MAP4K1: variants seen among roughly 807,000 people sequenced by gnomAD.
MAP4K1 encodes the protein MAPK/ERK kinase kinase kinase 1.
A neutral mutation model predicts 122.8 loss-of-function variants in MAP4K1; 35 were observed. The ratio of observed to expected loss-of-function variants is 0.29; its 90% confidence interval spans 0.22 to 0.38. The LOEUF (loss-of-function observed/expected upper bound fraction) is 0.38, where lower values mean the gene tolerates loss of function less well. Among genes scored for constraint, MAP4K1 ranks in the 10% least tolerant of loss-of-function variants. The probability of loss-of-function intolerance (pLI) is 1.00; values close to 1 mark genes in which losing one functional copy is unlikely to be tolerated. For missense variants in MAP4K1, 791 were observed against 1,072.6 expected, an observed-to-expected ratio of 0.74 and a Z score of 3.67; for synonymous variants, 412 against 421.3, an observed-to-expected ratio of 0.98 and a Z score of 0.27.
chr19:38,603,710 G>A (rs183332125), intron 19 of MAP4K1, among the ~76,000 whole-genome samples: 94 of 152,154 alleles, frequency 6.2e-4, no homozygotes, highest in Admixed American at 1.5e-3. Context: ...TGGGCCGGGC[G>A]CGGTGGCTCA....
chr19:38,605,834 G>A, intron 17 of MAP4K1, 104 bp from the exon 18 acceptor site: 3 of 1,142,714 alleles, frequency 2.6e-6, no homozygotes, highest in African/African-American at 1.6e-5. Context: ...AACAGCTGTG[G>A]CTCTGACCCA....
At chr19:38,602,827 TATATACGC>T (rs1975142905) in intron 19 of MAP4K1, among the ~76,000 whole-genome samples, 1 of 149,082 alleles carries the variant, frequency 6.7e-6, no homozygotes, top group Non-Finnish European at 1.5e-5. Context: ...CACATGTACA[TATATACGC>T]ATATACATAT....
intron 30 of MAP4K1, among the ~76,000 whole-genome samples, chr19:38,592,700 C>G (rs993939146): frequency 1.3e-5 from 2 of 151,332 alleles, no homozygotes; most frequent in Non-Finnish European, 2.9e-5. Flanking sequence ...GGTGGATCAC[C>G]GAGGTCAGGA....
intron 22 of MAP4K1, among the ~76,000 whole-genome samples, chr19:38,599,347 CAAAAAAAAAAA>C (rs35011527): frequency 2.5e-5 from 1 of 39,476 alleles, no homozygotes; most frequent in Non-Finnish European, 5.6e-5. Context: ...GACTCGGTCT[CAAAAAAAAAAA>C]AAAAAAAAAA....
chr19:38,596,043 C>G (rs749454187), intron 26 of MAP4K1, 42 bp from the exon 27 acceptor site: 1 of 1,570,602 alleles, frequency 6.4e-7, no homozygotes, highest in Non-Finnish European at 8.8e-7. Flanking sequence ...CCACCCCATT[C>G]CCCTTTCCCC....
At position 38,614,398 on chromosome 19, in the gene MAP4K1, C is replaced by T. The variant is rs371189923; in HGVS notation, c.361G>A (p.Val121Met). 3 of 1,614,122 alleles carry T rather than the reference C, an allele frequency of 1.9e-6. No individual in the cohort carries two copies. Among genetic ancestry groups the T allele is most frequent in the Non-Finnish European group, 2.5e-6 (3 of 1,180,052 alleles). ...ELQISYVCRE[V>M]LQGLAYLHSQ... ...CCCAGGCCTCTCCTTACCTGGAGCA[C>T]TTCCCGGCAGACATAGCTAATCTGG... Residue 121 changes from valine (V) to methionine (M), a missense_variant, in exon 5 of 31, where the codon GTG becomes ATG. Val to Met is a conservative substitution (Grantham distance 21). Transcript: ENST00000396857.
chr19:38,604,377 A>T (rs572617327), intron 19 of MAP4K1, among the ~76,000 whole-genome samples: 1 of 152,260 alleles, frequency 6.6e-6, no homozygotes, highest in African/African-American at 2.4e-5. Flanking sequence ...GTAGTGACTC[A>T]TGGAGGTTTT....
At chr19:38,603,218 A>G (rs1231317062) in intron 19 of MAP4K1, among the ~76,000 whole-genome samples, 1 of 147,710 alleles carries the variant, frequency 6.8e-6, no homozygotes, top group Admixed American at 6.9e-5. Context: ...ACATATATAC[A>G]CATATACATA....
chr19:38,609,840 T>G, intron 12 of MAP4K1, 69 bp downstream of exon 12: 6 of 1,447,192 alleles, frequency 4.1e-6, no homozygotes, highest in Non-Finnish European at 5.8e-6. Context: ...AGGAAGGCAC[T>G]GCTGGCAGCA....
At chr19:38,600,055 C>T (rs1299095688) in intron 21 of MAP4K1, 22 bp downstream of exon 21, 2 of 1,614,196 alleles carry the variant, frequency 1.2e-6, no homozygotes, top group South Asian at 2.2e-5. Flanking sequence ...TGCCCTTGCC[C>T]TGGCCCGGTA....
chr19:38,599,006 C>T (rs1568626721), intron 22 of MAP4K1, among the ~76,000 whole-genome samples: 1 of 100,672 alleles, frequency 9.9e-6, no homozygotes, highest in Non-Finnish European at 1.8e-5. Context: ...GAGTGAGAGT[C>T]TATCTCAAAA....
chr19:38,594,174 G>A (rs1439620848), intron 29 of MAP4K1, among the ~76,000 whole-genome samples: 3 of 152,100 alleles, frequency 2.0e-5, no homozygotes, highest in African/African-American at 7.2e-5. Context: ...CCCAGGATGA[G>A]ATTGGGACTC....
At chr19:38,599,856 C>T in intron 22 of MAP4K1, 69 bp downstream of exon 22, 3 of 1,471,266 alleles carry the variant, frequency 2.0e-6, no homozygotes, top group Non-Finnish European at 2.9e-6. Context: ...TGCCCGTCTA[C>T]TTCCCAGCCC....
rs1974883653 is a variant in MAP4K1 at position 38,596,382 on chromosome 19, C to A, written c.2046G>T (p.Pro682=). The A allele has an allele frequency of 6.3e-7, 1 of 1,598,324 alleles. No individual in the cohort carries two copies. Among genetic ancestry groups the A allele is most frequent in the East Asian group, 2.3e-5 (1 of 44,378 alleles). The change falls in exon 26 of 31, where the codon CCG becomes CCT. Residue 682 remains proline (P), a synonymous_variant. Transcript: ENST00000396857. ...AVCIGVSPGR[P]GKSVLFHTVR... is the part of the protein sequence containing the mutation. ...CCGTGTGGAAGAGCACCGACTTCCC[C>A]GGCCGCCCGGGGCTCACGCCGATGC...
intron 30 of MAP4K1, among the ~76,000 whole-genome samples, chr19:38,588,625 CA>C (rs927551201): frequency 1.5e-5 from 2 of 131,096 alleles, no homozygotes; most frequent in Admixed American, 1.7e-4. Flanking sequence ...TGGTGGCAGG[CA>C]CTATAGTCCC....
At chr19:38,596,026 A>AT in intron 26 of MAP4K1, 25 bp from the exon 27 acceptor site, 1 of 1,606,304 alleles carries the variant, frequency 6.2e-7, no homozygotes, top group Non-Finnish European at 8.5e-7. Flanking sequence ...TGGGTTAAGG[A>AT]TTGACCCCAC....
In MAP4K1 at chr19:38,603,233, CATAT is replaced by C. The variant is rs199844465; in HGVS notation, c.1447-1712_1447-1709del. 6.9e-5 allele frequency among the ~76,000 whole-genome samples: 10 copies of C among 145,582 alleles called. 1 individual carries two copies. The highest frequency in any genetic ancestry group is 2.3e-4 in the African/African-American group (9 of 39,180). On this transcript the variant is annotated intron_variant, in intron 19 of 30. Transcript: ENST00000396857. ...ACATATATACACATATACATATACACATATATATACACATGTACATATATACGCA... is the reference window on the plus strand; with the variant it reads ...ACATATATACACATATACATATACACATATACACATGTACATATATACGCA...
intron 4 of MAP4K1, chr19:38,614,670 C>G: frequency 1.7e-6 from 1 of 577,572 alleles, no homozygotes; most frequent in Non-Finnish European, 3.1e-6. Context: ...CCTATAATCC[C>G]AGCACTTTGG....
At chr19:38,588,644 C>T (rs1027474959) in intron 30 of MAP4K1, among the ~76,000 whole-genome samples, 1 of 151,492 alleles carries the variant, frequency 6.6e-6, no homozygotes, top group African/African-American at 2.4e-5. Context: ...CCCAGCTACT[C>T]GGGAGGCTGA....
Sources: gnomAD v4.1 joint callset for allele counts (sites outside exome capture counted in the v4.1 genomes callset) on GRCh38, gnomAD v4.1.1 for gene constraint, MANE v1.5 for transcripts, NCBI Gene and HGNC (gene_info 2026-07-23, HGNC 2026-07-21) for gene names.